The following EDARADD variants were observed in gnomAD, a reference collection of about 807,000 sequenced individuals.
EDARADD encodes EDAR associated via death domain.
In EDARADD, 20 loss-of-function variants were observed where a neutral mutation model predicts 25.6. The ratio of observed to expected loss-of-function variants is 0.78; its 90% confidence interval spans 0.55 to 1.14. EDARADD has a LOEUF of 1.14. Among genes scored for constraint, EDARADD ranks in the 50% most tolerant of loss-of-function variants. The pLI is 0.00. For missense variants in EDARADD, 225 were observed against 270.1 expected, an observed-to-expected ratio of 0.83 and a Z score of 1.17; for synonymous variants, 86 against 94.4, an observed-to-expected ratio of 0.91 and a Z score of 0.52.
At chr1:236,391,176 A>G (rs1195967226), upstream of EDARADD, among the ~76,000 whole-genome samples, 1 of 152,066 alleles carries the variant, frequency 6.6e-6, no homozygotes, top group Non-Finnish European at 1.5e-5. Context: ...TCCTCCACTC[A>G]GTGGCTCACT....
intron 4 of EDARADD, among the ~76,000 whole-genome samples, chr1:236,467,426 GCACA>G (rs376781528): frequency 9.9e-4 from 138 of 139,028 alleles, no homozygotes; most frequent in Non-Finnish European, 1.4e-3. Flanking sequence ...ACACACACGC[GCACA>G]CACACACACA....
At chr1:236,410,589 C>T (rs1479503564) in intron 2 of EDARADD, among the ~76,000 whole-genome samples, 1 of 152,180 alleles carries the variant, frequency 6.6e-6, no homozygotes, top group Non-Finnish European at 1.5e-5. Flanking sequence ...CTGCCCAGCA[C>T]TGCTTCTTGC....
intron 4 of EDARADD, among the ~76,000 whole-genome samples, chr1:236,433,667 T>C (rs2103019102): frequency 6.6e-6 from 1 of 151,930 alleles, no homozygotes; most frequent in South Asian, 2.1e-4. Flanking sequence ...TTATGCTCAC[T>C]TTACACATCA....
At chr1:236,428,919 C>T (rs558424864) in intron 4 of EDARADD, among the ~76,000 whole-genome samples, 3 of 152,162 alleles carry the variant, frequency 2.0e-5, no homozygotes, top group Admixed American at 6.5e-5. Flanking sequence ...AGATCACTCG[C>T]GGTCAGGAGC....
chr1:236,443,910 T>C (rs1454646573), intron 4 of EDARADD, among the ~76,000 whole-genome samples: 3 of 152,184 alleles, frequency 2.0e-5, no homozygotes, highest in Admixed American at 2.0e-4. Flanking sequence ...CGGAGAAATC[T>C]TTTGTGAAAT....
At chr1:236,457,462 C>T (rs1658899783) in intron 4 of EDARADD, among the ~76,000 whole-genome samples, 1 of 151,864 alleles carries the variant, frequency 6.6e-6, no homozygotes, top group South Asian at 2.1e-4. Context: ...TCATAGTGAG[C>T]CAAGATCGTG....
intron 3 of EDARADD, among the ~76,000 whole-genome samples, chr1:236,425,298 C>T (rs1657886701): frequency 6.6e-6 from 1 of 152,220 alleles, no homozygotes; most frequent in East Asian, 1.9e-4. Context: ...GGGCCACAGA[C>T]TGCCATGGCT....
intron 1 of EDARADD, among the ~76,000 whole-genome samples, chr1:236,403,042 G>A (rs1483981277): frequency 2.0e-5 from 3 of 151,830 alleles, no homozygotes; most frequent in Non-Finnish European, 2.9e-5. Context: ...CGAAATCTCC[G>A]CCTCCTGGGT....
chr1:236,368,983 CAG>C (rs1198852636), intron 3 of EDARADD, among the ~76,000 whole-genome samples: 5 of 151,982 alleles, frequency 3.3e-5, no homozygotes, highest in African/African-American at 1.2e-4. Context: ...TTTTTAGAGA[CAG>C]AGTCTTGCTA....
intron 3 of EDARADD, among the ~76,000 whole-genome samples, chr1:236,378,906 A>AT (rs1224828809): frequency 6.6e-6 from 1 of 152,132 alleles, no homozygotes; most frequent in East Asian, 1.9e-4. Flanking sequence ...CCCAAACTCT[A>AT]TTTTTTAAAA....
chr1:236,466,926 G>A (rs1571953474), intron 4 of EDARADD, among the ~76,000 whole-genome samples: 1 of 152,182 alleles, frequency 6.6e-6, no homozygotes, highest in East Asian at 1.9e-4. Flanking sequence ...AATTAGCCAG[G>A]CGTGGTGGCG....
chr1:236,357,759 A>T (rs1666997400), intron 3 of EDARADD, among the ~76,000 whole-genome samples: 1 of 151,992 alleles, frequency 6.6e-6, no homozygotes, highest in Admixed American at 6.6e-5. Context: ...CAGTGACCTA[A>T]ATACCTTCCA....
chr1:236,474,999 G>A (rs1659463541), intron 5 of EDARADD, among the ~76,000 whole-genome samples: 1 of 152,098 alleles, frequency 6.6e-6, no homozygotes, highest in Non-Finnish European at 1.5e-5. Context: ...CAGGTGTGGT[G>A]GCAGACACCT....
chr1:236,418,877 C>T (rs915991453), intron 3 of EDARADD, among the ~76,000 whole-genome samples: 2 of 152,114 alleles, frequency 1.3e-5, no homozygotes, highest in East Asian at 1.9e-4. Flanking sequence ...GTTCTCATCC[C>T]GCTTGTTCAA....
At position 236,417,184 on chromosome 1, in the gene EDARADD, C is replaced by T. The variant is rs79950472; in HGVS notation, c.160+2885C>T. On this transcript the variant is annotated intron_variant, in intron 3 of 5. Transcript: ENST00000334232. ...GGAAAGAAAAATCCACGTGAATTAA[C>T]GAAGAGACTGATTTATAGACTTAAA... is the stretch of plus-strand genomic sequence containing the variant. Among the ~76,000 whole-genome samples, 174 of 152,184 alleles carry T rather than the reference C, an allele frequency of 1.1e-3. 1 individual carries two copies. In the East Asian group the frequency reaches 0.027, roughly 24 times the overall value.
intron 4 of EDARADD, among the ~76,000 whole-genome samples, chr1:236,432,304 G>A (rs532583795): frequency 3.4e-4 from 51 of 151,736 alleles, no homozygotes; most frequent in South Asian, 1.7e-3. Flanking sequence ...TGAGAGGATC[G>A]CTTAAACCTG....
intron 4 of EDARADD, among the ~76,000 whole-genome samples, chr1:236,443,896 G>C (rs1453223290): frequency 6.6e-6 from 1 of 152,114 alleles, no homozygotes; most frequent in Non-Finnish European, 1.5e-5. Flanking sequence ...AGCATCATAC[G>C]CTCCGGAGAA....
At chr1:236,462,810 A>G (rs1019342704) in intron 4 of EDARADD, among the ~76,000 whole-genome samples, 4 of 152,222 alleles carry the variant, frequency 2.6e-5, no homozygotes, top group African/African-American at 9.6e-5. Context: ...ACAATGAGAA[A>G]GTTTTACAAA....
chr1:236,397,611 T>G (rs950898831), intron 1 of EDARADD, among the ~76,000 whole-genome samples: 4 of 152,092 alleles, frequency 2.6e-5, no homozygotes, highest in African/African-American at 9.7e-5. Flanking sequence ...AGAATCTGTC[T>G]CTTTGACTTC....
Sources: gnomAD v4.1 joint callset for allele counts (sites outside exome capture counted in the v4.1 genomes callset) on GRCh38, gnomAD v4.1.1 for gene constraint, MANE v1.5 for transcripts, NCBI Gene and HGNC (gene_info 2026-07-23, HGNC 2026-07-21) for gene names.